SUGCT: variants seen among roughly 807,000 people sequenced by gnomAD.
SUGCT encodes the protein succinyl-CoA:glutarate CoA-transferase.
SUGCT carries 41 observed loss-of-function variants against 55.0 expected under a neutral mutation model. The observed-to-expected ratio is 0.74, with a 90% CI of 0.58 to 0.97. SUGCT has a LOEUF of 0.97. SUGCT is among the 50% of genes least tolerant of loss of function. The pLI is 0.00. For synonymous variants in SUGCT, 187 were observed against 200.4 expected, an observed-to-expected ratio of 0.93 and a Z score of 0.56; for missense variants, 568 against 547.8, an observed-to-expected ratio of 1.04 and a Z score of -0.37.
intron 6 of SUGCT, among the ~76,000 whole-genome samples, chr7:40,225,347 C>T (rs186712497): frequency 6.6e-6 from 1 of 151,788 alleles, no homozygotes; most frequent in Admixed American, 6.6e-5. Flanking sequence ...TGCTGCCTTT[C>T]TGTGGTAGAG....
chr7:40,429,847 C>G (rs541031279), intron 9 of SUGCT, among the ~76,000 whole-genome samples: 1 of 152,272 alleles, frequency 6.6e-6, no homozygotes, highest in South Asian at 2.1e-4. Context: ...ACATAGTACC[C>G]TCTCTTTTGT....
chr7:40,371,237 T>G (rs1784282586), intron 9 of SUGCT, among the ~76,000 whole-genome samples: 1 of 152,234 alleles, frequency 6.6e-6, no homozygotes, highest in South Asian at 2.1e-4. Flanking sequence ...CCAGATTGGT[T>G]GCTTTCAGTG....
chr7:40,328,081 A>G (rs915537173), intron 9 of SUGCT, among the ~76,000 whole-genome samples: 2 of 152,128 alleles, frequency 1.3e-5, no homozygotes, highest in East Asian at 1.9e-4. Context: ...TTCATTTTCT[A>G]TCTTTATCCT....
At chr7:40,746,034 A>T (rs984393826) in intron 12 of SUGCT, among the ~76,000 whole-genome samples, 1 of 152,244 alleles carries the variant, frequency 6.6e-6, no homozygotes, top group East Asian at 1.9e-4. Flanking sequence ...AAAAAATGTT[A>T]TACAAATGGT....
chr7:40,169,359 G>C (rs1784565698), intron 1 of SUGCT, among the ~76,000 whole-genome samples: 1 of 152,160 alleles, frequency 6.6e-6, no homozygotes, highest in Non-Finnish European at 1.5e-5. Context: ...CGGGACAGGA[G>C]AGTAAGACTG....
At chr7:40,516,665 T>A (rs1793252433) in intron 12 of SUGCT, among the ~76,000 whole-genome samples, 1 of 152,138 alleles carries the variant, frequency 6.6e-6, no homozygotes. Context: ...ATGTGAGGGT[T>A]TATTTTGTTT....
chr7:40,772,450 C>T (rs902052498), intron 13 of SUGCT, among the ~76,000 whole-genome samples: 4 of 152,014 alleles, frequency 2.6e-5, no homozygotes, highest in Non-Finnish European at 5.9e-5. Context: ...TCGTGATAGA[C>T]GCTAGATCTC....
chr7:40,620,575 A>G (rs1799217667), intron 12 of SUGCT, among the ~76,000 whole-genome samples: 1 of 151,864 alleles, frequency 6.6e-6, no homozygotes, highest in Non-Finnish European at 1.5e-5. Context: ...GCTAATGTTC[A>G]TATTTTTAGT....
chr7:41,024,191 T>A, the SUGCT span, among the ~76,000 whole-genome samples: 1 of 151,948 alleles, frequency 6.6e-6, no homozygotes, highest in Non-Finnish European at 1.5e-5. Flanking sequence ...ATACAGAAAA[T>A]TACGTTCCAA....
intron 9 of SUGCT, among the ~76,000 whole-genome samples, chr7:40,321,737 C>T (rs1360896560): frequency 1.3e-5 from 2 of 152,152 alleles, no homozygotes; most frequent in Admixed American, 6.5e-5. Context: ...CAATTCCATC[C>T]ATGTTGCTGC....
chr7:40,657,684 G>A (rs141957787), intron 12 of SUGCT, among the ~76,000 whole-genome samples: 1,963 of 152,190 alleles, frequency 0.013, 27 homozygotes, highest in African/African-American at 0.045. Flanking sequence ...ACAGGCACCC[G>A]CCACTAGGCC....
intron 12 of SUGCT, among the ~76,000 whole-genome samples, chr7:40,578,712 C>T (rs144389747): frequency 2.5e-4 from 38 of 152,302 alleles, no homozygotes; most frequent in African/African-American, 8.9e-4. Flanking sequence ...TTCTCTTAGG[C>T]ACTCAAGAAT....
At chr7:40,218,327 A>G (rs941209537) in intron 6 of SUGCT, among the ~76,000 whole-genome samples, 5 of 152,302 alleles carry the variant, frequency 3.3e-5, no homozygotes, top group Middle Eastern at 3.4e-3. Context: ...TAGTAGTAAC[A>G]TTTTCATTAA....
intron 12 of SUGCT, among the ~76,000 whole-genome samples, chr7:40,628,296 A>G (rs1207596623): frequency 6.6e-6 from 1 of 152,238 alleles, no homozygotes; most frequent in Non-Finnish European, 1.5e-5. Context: ...ATTGAAATGC[A>G]AGGTGCTCAT....
At chr7:40,245,221 AT>A (rs1230317061) in intron 7 of SUGCT, among the ~76,000 whole-genome samples, 7 of 143,588 alleles carry the variant, frequency 4.9e-5, no homozygotes, top group East Asian at 2.1e-4. Flanking sequence ...TGCCCGGCTA[AT>A]TTTTTTTTGT....
chr7:40,956,909 T>C, the SUGCT span, among the ~76,000 whole-genome samples: 1 of 152,128 alleles, frequency 6.6e-6, no homozygotes, highest in African/African-American at 2.4e-5. Context: ...TTGTTCAGTT[T>C]CCATGTAGTT....
At chr7:40,296,101 T>C (rs1030731164) in intron 8 of SUGCT, among the ~76,000 whole-genome samples, 3 of 152,210 alleles carry the variant, frequency 2.0e-5, no homozygotes, top group Non-Finnish European at 4.4e-5. Context: ...ATAGTTTGGA[T>C]GCCTTAAGTT....
intron 9 of SUGCT, among the ~76,000 whole-genome samples, chr7:40,402,775 T>C (rs1786151658): frequency 6.6e-6 from 1 of 152,200 alleles, no homozygotes; most frequent in African/African-American, 2.4e-5. Context: ...TTCATCCTGA[T>C]CGGGTAGGAT....
At chr7:40,539,949 TC>T (rs1794585452) in intron 12 of SUGCT, among the ~76,000 whole-genome samples, 1 of 152,180 alleles carries the variant, frequency 6.6e-6, no homozygotes, top group Non-Finnish European at 1.5e-5. Context: ...TTATAGTATA[TC>T]TGGGGAGTAG....
Sources: allele counts gnomAD v4.1 joint callset (sites outside exome capture counted in the v4.1 genomes callset), GRCh38; gene constraint gnomAD v4.1.1; transcripts MANE v1.5; gene names NCBI Gene and HGNC (gene_info 2026-07-23, HGNC 2026-07-21).